The following KLHL32 variants were observed in gnomAD, a reference collection of about 807,000 sequenced individuals.
KLHL32 encodes kelch like family member 32.
KLHL32 carries 35 observed loss-of-function variants against 64.8 expected under a neutral mutation model. The ratio of observed to expected loss-of-function variants is 0.54; its 90% CI spans 0.41 to 0.72. KLHL32 has a LOEUF of 0.72. Among genes scored for constraint, KLHL32 ranks in the 30% least tolerant of loss-of-function variants. The pLI is 0.00. For missense variants in KLHL32, 589 were observed against 768.5 expected, an observed-to-expected ratio of 0.77 and a Z score of 2.76; for synonymous variants, 259 against 281.0, an observed-to-expected ratio of 0.92 and a Z score of 0.78.
intron 5 of KLHL32, among the ~76,000 whole-genome samples, chr6:97,078,368 A>C (rs756237593): frequency 3.3e-5 from 5 of 152,298 alleles, no homozygotes; most frequent in Admixed American, 1.3e-4. Context: ...GACATGGGGT[A>C]ATTTAGGTGA....
At chr6:96,951,293 A>T (rs1003780360) in intron 1 of KLHL32, among the ~76,000 whole-genome samples, 2 of 152,082 alleles carry the variant, frequency 1.3e-5, no homozygotes, top group Non-Finnish European at 2.9e-5. Context: ...ACAGCCCTAT[A>T]CACCTTGTTC....
intron 1 of KLHL32, among the ~76,000 whole-genome samples, chr6:96,934,401 G>C (rs903531223): frequency 3.9e-5 from 6 of 152,204 alleles, no homozygotes; most frequent in African/African-American, 1.4e-4. Flanking sequence ...CCGAGGACCA[G>C]CCAGGCCATC....
the KLHL32 span, among the ~76,000 whole-genome samples, chr6:96,900,056 A>G: frequency 2.0e-5 from 3 of 152,230 alleles, no homozygotes; most frequent in Admixed American, 6.5e-5. Context: ...AATAAAGGTC[A>G]AATGAACTGA....
chr6:96,941,818 T>C (rs1771326189), intron 1 of KLHL32, among the ~76,000 whole-genome samples: 1 of 152,098 alleles, frequency 6.6e-6, no homozygotes, highest in Admixed American at 6.6e-5. Flanking sequence ...CAAGAACAAT[T>C]TGGAACACTT....
chr6:96,917,619 T>G, the KLHL32 span, among the ~76,000 whole-genome samples: 37,834 of 152,088 alleles, frequency 0.25, 4,999 homozygotes, highest in Non-Finnish European at 0.29. Flanking sequence ...TGCAAGGGTC[T>G]CAGCAGGAAC....
At chr6:97,023,944 AAAAAATATAGTCC>A (rs1782362639) in intron 3 of KLHL32, among the ~76,000 whole-genome samples, 1 of 152,220 alleles carries the variant, frequency 6.6e-6, no homozygotes. Flanking sequence ...AAAATGTGTG[AAAAAATATAGTCC>A]AAGGAGCTGT....
In KLHL32 at chr6:97,041,253, C is replaced by G. The variant is rs1463336810; in HGVS notation, c.205-239C>G. ...CACCTCAAAATGAGACTGTGTATTA[C>G]ATATAGAAGTACTGTATATGGTGAG... On this transcript the variant is annotated intron_variant, in intron 3 of 10. Coordinates refer to ENST00000369261, the MANE Select transcript of KLHL32 (RefSeq NM_052904.4). 5.3e-5 allele frequency among the ~76,000 whole-genome samples: 8 copies of G among 152,272 alleles called. No individual in the cohort carries two copies. In the East Asian group the frequency reaches 1.4e-3, roughly 26 times the overall value.
intron 5 of KLHL32, among the ~76,000 whole-genome samples, chr6:97,071,484 A>G (rs931855527): frequency 6.6e-6 from 1 of 151,720 alleles, no homozygotes; most frequent in Non-Finnish European, 1.5e-5. Context: ...TCTGCTCACT[A>G]TCACTCTCTT....
Position 97,105,445 on chromosome 6 carries a change from G to C in KLHL32, c.628-8338G>C, listed in dbSNP as rs1157679675. The C allele has an allele frequency of 1.3e-5, 6 of 471,010 alleles. No homozygotes were observed. The East Asian group carries it at 4.2e-4, about 33-fold the overall frequency. 29.2% of individuals were successfully genotyped at this position (471,010 alleles called of 1,614,324 possible). On this transcript the variant is annotated intron_variant, in intron 6 of 10. Coordinates refer to ENST00000369261, the MANE Select transcript of KLHL32 (RefSeq NM_052904.4). ...TTTGTCTTTTTCTGAATTTGCAGAA[G>C]TGTGGAATTTGTGCTGCCTTTTGTG...
At chr6:97,001,872 C>T (rs7759248) in intron 3 of KLHL32, among the ~76,000 whole-genome samples, 13,314 of 152,118 alleles carry the variant, frequency 0.088, 1,249 homozygotes, top group Admixed American at 0.22. Context: ...TTCATCTAGA[C>T]GTATGTATAT....
At chr6:96,948,088 C>T (rs1264125557) in intron 1 of KLHL32, among the ~76,000 whole-genome samples, 1 of 152,142 alleles carries the variant, frequency 6.6e-6, no homozygotes, top group Non-Finnish European at 1.5e-5. Flanking sequence ...AGAAAATTGT[C>T]TATTGTAGGT....
chr6:97,055,795 C>G (rs1451406226), intron 4 of KLHL32, among the ~76,000 whole-genome samples: 2 of 31,282 alleles, frequency 6.4e-5, no homozygotes, highest in South Asian at 1.3e-3. Flanking sequence ...GAGAACCTGT[C>G]TAAAAAAAAA....
At chr6:96,937,241 T>C (rs1244884494) in intron 1 of KLHL32, among the ~76,000 whole-genome samples, 1 of 152,098 alleles carries the variant, frequency 6.6e-6, no homozygotes, top group Admixed American at 6.6e-5. Flanking sequence ...CGCCACCCCC[T>C]CTCCATCATA....
intron 1 of KLHL32, among the ~76,000 whole-genome samples, chr6:96,956,210 G>A (rs1272539623): frequency 6.6e-6 from 1 of 152,142 alleles, no homozygotes; most frequent in African/African-American, 2.4e-5. Context: ...CTCTCACTGG[G>A]TCCTTCCCAC....
intron 3 of KLHL32, among the ~76,000 whole-genome samples, chr6:97,016,973 G>A (rs1440178977): frequency 1.3e-5 from 2 of 152,154 alleles, no homozygotes; most frequent in Admixed American, 6.5e-5. Context: ...ATTATTGTAA[G>A]TTTCCTGAAG....
chr6:97,005,543 C>G lies in KLHL32; in HGVS notation c.204+29366C>G, dbSNP rs566214255. Among the ~76,000 whole-genome samples, 7 of 152,006 alleles carry G rather than the reference C, an allele frequency of 4.6e-5. No homozygotes were observed. The East Asian group carries it at 1.4e-3, about 29-fold the overall frequency. On this transcript the variant is annotated intron_variant, in intron 3 of 10. Transcript: ENST00000369261. ...CTAGCTTTGGGAGTTGGTTGCTGTT[C>G]TTTTCCTATTTCTTCTAGGTGTGAT...
At chr6:97,080,711 G>C (rs1456614349) in intron 5 of KLHL32, among the ~76,000 whole-genome samples, 1 of 152,198 alleles carries the variant, frequency 6.6e-6, no homozygotes, top group Non-Finnish European at 1.5e-5. Flanking sequence ...ATACAGTGGT[G>C]AACAAACCAG....
intron 3 of KLHL32, among the ~76,000 whole-genome samples, chr6:97,021,816 T>G (rs962253704): frequency 1.3e-5 from 2 of 151,038 alleles, no homozygotes; most frequent in Non-Finnish European, 2.9e-5. Context: ...GTGTCCTAAA[T>G]CAAACTTCCA....
At chr6:97,103,353 A>G (rs1424790099) in intron 6 of KLHL32, among the ~76,000 whole-genome samples, 4 of 151,940 alleles carry the variant, frequency 2.6e-5, no homozygotes, top group African/African-American at 4.8e-5. Flanking sequence ...AGCTGGGACT[A>G]TAGGCACCTG....
Sources: allele counts gnomAD v4.1 joint callset (sites outside exome capture counted in the v4.1 genomes callset), GRCh38; gene constraint gnomAD v4.1.1; transcripts MANE v1.5; gene names NCBI Gene and HGNC (gene_info 2026-07-23, HGNC 2026-07-21).